The following RGS22 variants were observed in gnomAD, a reference collection of about 807,000 sequenced individuals.
RGS22 encodes the protein regulator of G-protein signaling 22.
RGS22 carries 148 observed loss-of-function variants against 172.9 expected under a neutral mutation model. That is an observed-to-expected ratio of 0.86 (90% CI 0.75 to 0.98). The LOEUF (loss-of-function observed/expected upper bound fraction) is 0.98, where lower values mean the gene tolerates loss of function less well. RGS22 is among the 50% of genes least tolerant of loss of function. The pLI is 0.00. For synonymous variants in RGS22, 458 were observed against 480.2 expected (o/e 0.95, Z 0.60); for missense variants, 1,347 against 1,440.8 (o/e 0.93, Z 1.05).
intron 1 of RGS22, 114 bp downstream of exon 1, chr8:100,105,783 T>A (rs1813888120): frequency 1.1e-6 from 1 of 924,542 alleles, no homozygotes; most frequent in Admixed American, 3.3e-5. Context: ...TTTTTTCTCA[T>A]GTCTGGGAGC....
chr8:100,085,735 T>C (rs545740896), intron 3 of RGS22, among the ~76,000 whole-genome samples: 6 of 152,306 alleles, frequency 3.9e-5, no homozygotes, highest in Middle Eastern at 3.4e-3. Context: ...ATGACACTCA[T>C]TGATGGAATG....
At chr8:100,087,308 T>C (rs546297803) in intron 3 of RGS22, among the ~76,000 whole-genome samples, 4 of 152,310 alleles carry the variant, frequency 2.6e-5, no homozygotes, top group African/African-American at 9.6e-5. Context: ...TGTTACAGAC[T>C]GCTCTTTTCC....
At chr8:99,976,523 G>T (rs530464606) in intron 23 of RGS22, among the ~76,000 whole-genome samples, 3 of 151,954 alleles carry the variant, frequency 2.0e-5, no homozygotes, top group Admixed American at 2.0e-4. Context: ...CACCACGCCC[G>T]GCTAATTTTT....
intron 20 of RGS22, among the ~76,000 whole-genome samples, chr8:99,988,933 C>T (rs895953407): frequency 2.0e-5 from 3 of 151,986 alleles, no homozygotes; most frequent in African/African-American, 2.4e-5. Context: ...TAGACTGGGA[C>T]GTTTATTTAA....
intron 7 of RGS22, among the ~76,000 whole-genome samples, 153 bp from the exon 8 acceptor site, chr8:100,064,196 G>A (rs1416988268): frequency 2.0e-5 from 3 of 152,142 alleles, no homozygotes; most frequent in East Asian, 1.9e-4. Context: ...GGCCAGTCAC[G>A]GTGGCTCACG....
chr8:100,037,053 T>C (rs1333687838), intron 14 of RGS22, among the ~76,000 whole-genome samples: 1 of 152,242 alleles, frequency 6.6e-6, no homozygotes, highest in Non-Finnish European at 1.5e-5. Context: ...TCTAGGATTA[T>C]AGTATTACAG....
At chr8:100,102,571 C>G (rs1323903025) in intron 2 of RGS22, among the ~76,000 whole-genome samples, 1 of 152,166 alleles carries the variant, frequency 6.6e-6, no homozygotes, top group Non-Finnish European at 1.5e-5. Flanking sequence ...ATAAACTGCT[C>G]TCAGCTAAAA....
At chr8:100,069,375 T>C (rs1810779656) in intron 6 of RGS22, among the ~76,000 whole-genome samples, 1 of 152,228 alleles carries the variant, frequency 6.6e-6, no homozygotes, top group East Asian at 1.9e-4. Flanking sequence ...TGATTTTGTA[T>C]AGAATTGTGT....
intron 18 of RGS22, among the ~76,000 whole-genome samples, chr8:100,001,032 CA>C (rs978593832): frequency 4.1e-5 from 6 of 145,370 alleles, no homozygotes; most frequent in Admixed American, 1.4e-4. Flanking sequence ...AACTACCAAA[CA>C]AAAAAAAATG....
chr8:100,065,691 A>T (rs1225723284), intron 7 of RGS22, among the ~76,000 whole-genome samples: 5 of 152,198 alleles, frequency 3.3e-5, no homozygotes, highest in Admixed American at 3.3e-4. Context: ...AAGGTGAAAA[A>T]TAGTCTGAAC....
intron 4 of RGS22, among the ~76,000 whole-genome samples, chr8:100,076,721 G>A (rs997014102): frequency 3.3e-5 from 5 of 152,124 alleles, no homozygotes; most frequent in Non-Finnish European, 5.9e-5. Context: ...GGCCGGGCAC[G>A]GTGGTTCATC....
At chr8:100,057,324 T>C (rs1238065982) in intron 9 of RGS22, among the ~76,000 whole-genome samples, 1 of 152,208 alleles carries the variant, frequency 6.6e-6, no homozygotes, top group East Asian at 1.9e-4. Flanking sequence ...GACTGTGGAC[T>C]TTTGAGTTAA....
intron 10 of RGS22, among the ~76,000 whole-genome samples, chr8:100,049,393 G>A (rs545252924): frequency 2.6e-5 from 4 of 152,218 alleles, no homozygotes; most frequent in African/African-American, 9.6e-5. Context: ...AGACCAGAAT[G>A]AGCTGTCCAA....
At chr8:100,001,497 G>A (rs939705910) in intron 18 of RGS22, among the ~76,000 whole-genome samples, 8 of 151,914 alleles carry the variant, frequency 5.3e-5, no homozygotes, top group African/African-American at 1.9e-4. Context: ...GCCTCCCAAA[G>A]TGCTGGGATT....
At chr8:99,969,878 G>C (rs1811151337) in intron 23 of RGS22, among the ~76,000 whole-genome samples, 1 of 152,028 alleles carries the variant, frequency 6.6e-6, no homozygotes, top group African/African-American at 2.4e-5. Context: ...TGGACCAAGT[G>C]GACCTAATAG....
intron 4 of RGS22, among the ~76,000 whole-genome samples, chr8:100,072,641 G>A (rs1057341049): frequency 6.6e-6 from 1 of 151,746 alleles, no homozygotes; most frequent in Non-Finnish European, 1.5e-5. Flanking sequence ...CAAAGTCACT[G>A]CAGGCCCCTT....
At chr8:99,970,136 G>T (rs1313633266) in intron 23 of RGS22, among the ~76,000 whole-genome samples, 4 of 151,992 alleles carry the variant, frequency 2.6e-5, no homozygotes, top group Non-Finnish European at 5.9e-5. Context: ...ATGACTATTG[G>T]GTAAATAAGA....
chr8:100,017,906 A>G (rs1207453649), intron 14 of RGS22, among the ~76,000 whole-genome samples: 1 of 152,170 alleles, frequency 6.6e-6, no homozygotes, highest in Non-Finnish European at 1.5e-5. Flanking sequence ...TGCTCCCTTC[A>G]TATTCCAGTC....
Position 100,002,183 on chromosome 8 carries a change from T to C in RGS22, c.2790+19A>G, listed in dbSNP as rs775409208. ...GGTTTTCAAACATCAATTAAAAAAA[T>C]AGGTTTGCATGTTGATACCTGGTTC... On this transcript the variant is annotated intron_variant, in intron 18 of 27. Transcript: ENST00000360863. 9 of 1,510,920 alleles carry C rather than the reference T, an allele frequency of 6.0e-6. No individual in the cohort carries two copies. Among genetic ancestry groups the C allele is most frequent in the Non-Finnish European group, 7.9e-6 (9 of 1,132,236 alleles). The allele number at this position is 1,510,920 out of a possible 1,614,324, so 93.6% of individuals were successfully genotyped here.
Sources: allele counts gnomAD v4.1 joint callset (sites outside exome capture counted in the v4.1 genomes callset), GRCh38; gene constraint gnomAD v4.1.1; transcripts MANE v1.5; gene names NCBI Gene and HGNC (gene_info 2026-07-23, HGNC 2026-07-21).